GALNT2: variants seen among roughly 807,000 people sequenced by gnomAD.
GALNT2 encodes the protein UDP-GalNAc:polypeptide N-acetylgalactosaminyltransferase 2.
A neutral mutation model predicts 81.4 loss-of-function variants in GALNT2; 31 were observed. That is an observed-to-expected ratio of 0.38 (90% CI 0.29 to 0.51). The LOEUF (loss-of-function observed/expected upper bound fraction) is 0.51, where lower values mean the gene tolerates loss of function less well. Ranked by LOEUF, GALNT2 falls within the 20% of genes least tolerant of loss-of-function variation. The pLI is 0.87. For synonymous variants in GALNT2, 303 were observed against 287.4 expected (o/e 1.05, Z -0.55); for missense variants, 629 against 765.7 (o/e 0.82, Z 2.11).
chr1:230,163,710 G>A (rs1662509133), intron 1 of GALNT2, among the ~76,000 whole-genome samples: 1 of 152,234 alleles, frequency 6.6e-6, no homozygotes, highest in Admixed American at 6.5e-5. Context: ...CGAAGTGTGT[G>A]GAAAGGAGAA....
chr1:230,146,629 G>A (rs193297085), intron 1 of GALNT2, among the ~76,000 whole-genome samples: 8 of 152,248 alleles, frequency 5.3e-5, no homozygotes, highest in African/African-American at 9.6e-5. Context: ...CAGGGAGCTG[G>A]GGCATTTAGG....
At chr1:230,235,255 T>TA (rs1664991814) in intron 3 of GALNT2, among the ~76,000 whole-genome samples, 1 of 150,716 alleles carries the variant, frequency 6.6e-6, no homozygotes, top group African/African-American at 2.4e-5. Context: ...ACTGTTCTTC[T>TA]AGTCTTGTGT....
intron 11 of GALNT2, 91 bp from the exon 12 acceptor site, chr1:230,262,482 C>A: frequency 9.2e-7 from 1 of 1,091,506 alleles, no homozygotes; most frequent in Non-Finnish European, 1.4e-6. Context: ...CAGAGGGAGC[C>A]GCCTCAGTCA....
chr1:230,240,083 G>T (rs1245016498), intron 6 of GALNT2, among the ~76,000 whole-genome samples: 2 of 152,162 alleles, frequency 1.3e-5, no homozygotes, highest in African/African-American at 4.8e-5. Context: ...ATGTGGATAT[G>T]TTAAGCTTAT....
intron 2 of GALNT2, among the ~76,000 whole-genome samples, chr1:230,186,208 G>C (rs930624224): frequency 6.6e-6 from 1 of 152,170 alleles, no homozygotes; most frequent in Admixed American, 6.5e-5. Context: ...TTTGCACGTT[G>C]TGTTCTTGAC....
At chr1:230,100,349 C>T (rs535222240) in intron 1 of GALNT2, among the ~76,000 whole-genome samples, 30 of 118,094 alleles carry the variant, frequency 2.5e-4, no homozygotes, top group Admixed American at 3.6e-4. Context: ...GATGGAGTCT[C>T]GCTCTGTTGC....
chr1:230,210,917 A>G (rs1300342626), intron 3 of GALNT2, among the ~76,000 whole-genome samples: 1 of 152,234 alleles, frequency 6.6e-6, no homozygotes, highest in East Asian at 1.9e-4. Context: ...TTATTCTGGA[A>G]GAACAAACAT....
At chr1:230,099,077 A>G (rs910848589) in intron 1 of GALNT2, among the ~76,000 whole-genome samples, 5 of 152,214 alleles carry the variant, frequency 3.3e-5, no homozygotes, top group Non-Finnish European at 5.9e-5. Context: ...AGGACTTTCA[A>G]GTTCTTCCTT....
chr1:230,181,512 C>T (rs1663159962), intron 2 of GALNT2, among the ~76,000 whole-genome samples: 1 of 151,528 alleles, frequency 6.6e-6, no homozygotes, highest in African/African-American at 2.4e-5. Context: ...GTTGAGAATT[C>T]CTGCATATGG....
chr1:230,098,344 G>C (rs904150591), intron 1 of GALNT2, among the ~76,000 whole-genome samples: 4 of 151,838 alleles, frequency 2.6e-5, no homozygotes, highest in Non-Finnish European at 5.9e-5. Context: ...ATTCTTTTTA[G>C]AATGCATGCA....
intron 3 of GALNT2, among the ~76,000 whole-genome samples, chr1:230,219,932 G>A (rs1159224472): frequency 6.6e-6 from 1 of 152,148 alleles, no homozygotes; most frequent in Non-Finnish European, 1.5e-5. Context: ...TTGTTTTGTA[G>A]CTGTGCATGA....
intron 8 of GALNT2, among the ~76,000 whole-genome samples, chr1:230,247,634 A>G (rs925735638): frequency 6.6e-6 from 1 of 152,210 alleles, no homozygotes; most frequent in African/African-American, 2.4e-5. Context: ...AAGAGCTGAG[A>G]TCTACCAGGC....
chr1:230,096,059 A>G (rs1660246927), intron 1 of GALNT2, among the ~76,000 whole-genome samples: 2 of 152,132 alleles, frequency 1.3e-5, no homozygotes, highest in Non-Finnish European at 2.9e-5. Context: ...GGCTGCTGGG[A>G]GTGAGCCATT....
At chr1:230,095,858 G>A (rs1183048923) in intron 1 of GALNT2, among the ~76,000 whole-genome samples, 1 of 152,240 alleles carries the variant, frequency 6.6e-6, no homozygotes, top group Non-Finnish European at 1.5e-5. Flanking sequence ...TTGCCTGGAG[G>A]GTGAGACATG....
chr1:230,069,343 A>G (rs1438192691), intron 1 of GALNT2, among the ~76,000 whole-genome samples: 1 of 152,118 alleles, frequency 6.6e-6, no homozygotes, highest in Non-Finnish European at 1.5e-5. Flanking sequence ...GAGACCAGGT[A>G]GAAAAAGTGG....
At chr1:230,196,689 C>G (rs1663706074) in intron 2 of GALNT2, among the ~76,000 whole-genome samples, 1 of 152,184 alleles carries the variant, frequency 6.6e-6, no homozygotes, top group African/African-American at 2.4e-5. Flanking sequence ...AAGCTGCTGT[C>G]AGCAGGCAGG....
intron 2 of GALNT2, among the ~76,000 whole-genome samples, chr1:230,192,438 A>G (rs1054234838): frequency 4.6e-5 from 7 of 152,126 alleles, no homozygotes; most frequent in Non-Finnish European, 1.0e-4. Context: ...TGTCTTTTTC[A>G]TCTGTTGGCT....
Position 230,243,190 on chromosome 1 carries a change from C to A in GALNT2, c.608-116C>A. 1.5e-6 allele frequency: 2 copies of A among 1,348,670 alleles called. No homozygotes were observed. Among genetic ancestry groups the A allele is most frequent in the South Asian group, 1.6e-5 (1 of 64,384 alleles). The allele number at this position is 1,348,670 out of a possible 1,614,324, so 83.5% of individuals were successfully genotyped here. A position where few individuals can be genotyped will look rare whatever the true frequency, so the allele number is the denominator to read the frequency against. On this transcript the variant is annotated intron_variant, in intron 6 of 15. Transcript: ENST00000366672. The surrounding 1 kb of genome is among the most constrained non-coding windows in gnomAD (Gnocchi z 4.2). ...CATCCAGCAAGTTTACAGTAATGTC[C>A]GTGCCCAGAAAGCAGGCTGCAGAGC... is the stretch of plus-strand genomic sequence containing the variant.
At chr1:230,084,687 C>T (rs528018975) in intron 1 of GALNT2, among the ~76,000 whole-genome samples, 1 of 152,144 alleles carries the variant, frequency 6.6e-6, no homozygotes, top group Admixed American at 6.5e-5. Flanking sequence ...ATCCCTGGCC[C>T]CTGGCTCCCT....
Sources: allele counts gnomAD v4.1 joint callset (sites outside exome capture counted in the v4.1 genomes callset), GRCh38; gene constraint gnomAD v4.1.1; non-coding constraint Gnocchi (gnomAD v3.1); transcripts MANE v1.5; gene names NCBI Gene and HGNC (gene_info 2026-07-23, HGNC 2026-07-21).